The following PPP6C variants were observed in gnomAD, a reference collection of about 807,000 sequenced individuals.
PPP6C encodes serine/threonine-protein phosphatase 6 catalytic subunit.
In PPP6C, 11 loss-of-function variants were observed where a neutral mutation model predicts 39.8. The observed-to-expected ratio is 0.28, with a 90% CI of 0.17 to 0.46. The LOEUF (loss-of-function observed/expected upper bound fraction) is 0.46, where lower values mean the gene tolerates loss of function less well. PPP6C is among the 20% of genes least tolerant of loss of function. The probability of loss-of-function intolerance (pLI) is 1.00; values close to 1 mark genes in which losing one functional copy is unlikely to be tolerated. For missense variants in PPP6C, 211 were observed against 373.9 expected (o/e 0.56, Z 3.59); for synonymous variants, 129 against 130.3 (o/e 0.99, Z 0.07).
rs1184075632 is a variant in PPP6C, at chr9:125,156,740, GCTCGCTCTCT to G, written c.379+1491_379+1500del. ...TTTCCCTGAAGGGGCTTCCTAATAAGCTCGCTCTCTCTCTCTCTCTCTCTCTCTCTCTCTC... is the reference window on the plus strand; with the variant it reads ...TTTCCCTGAAGGGGCTTCCTAATAAGCTCTCTCTCTCTCTCTCTCTCTCTC... On this transcript the variant is annotated intron_variant, in intron 4 of 6. Coordinates refer to ENST00000373547, the MANE Select transcript of PPP6C (RefSeq NM_002721.5). Among the ~76,000 whole-genome samples, 15 of 134,174 alleles carry G rather than the reference GCTCGCTCTCT, an allele frequency of 1.1e-4. 1 individual carries two copies. In the South Asian group the frequency reaches 3.4e-3, roughly 30 times the overall value. The allele number at this position is 134,174 out of a possible 152,430, so 88.0% of individuals were successfully genotyped here. A position where few individuals can be genotyped will look rare whatever the true frequency, so the allele number is the denominator to read the frequency against.
chr9:125,160,203 G>A (rs1217295505), intron 3 of PPP6C, among the ~76,000 whole-genome samples: 1 of 152,188 alleles, frequency 6.6e-6, no homozygotes, highest in African/African-American at 2.4e-5. Flanking sequence ...TGCTCGAAAA[G>A]TCTGAATAAA....
At chr9:125,178,587 C>T (rs1829356088) in intron 1 of PPP6C, among the ~76,000 whole-genome samples, 1 of 152,160 alleles carries the variant, frequency 6.6e-6, no homozygotes, top group South Asian at 2.1e-4. Flanking sequence ...CACTATGATA[C>T]TTCCAGGTAT....
At chr9:125,150,788 T>G (rs1022990375) in intron 6 of PPP6C, 1 of 721,878 alleles carries the variant, frequency 1.4e-6, no homozygotes, top group African/African-American at 1.7e-5. Context: ...TTGGCAAAAG[T>G]GTACGTGGAA....
intron 1 of PPP6C, among the ~76,000 whole-genome samples, chr9:125,184,918 G>C (rs1425223871): frequency 7.3e-6 from 1 of 137,310 alleles, no homozygotes; most frequent in African/African-American, 2.7e-5. Flanking sequence ...AGTGAGCTGA[G>C]ATGGTACCAC....
chr9:125,185,553 G>C (rs909578857), intron 1 of PPP6C, among the ~76,000 whole-genome samples: 13 of 151,352 alleles, frequency 8.6e-5, no homozygotes, highest in African/African-American at 2.9e-4. Context: ...AATTAGCCAG[G>C]AGTGGTGGTG....
chr9:125,171,995 C>T (rs1181064168), intron 1 of PPP6C: 1 of 464,094 alleles, frequency 2.2e-6, no homozygotes, highest in Non-Finnish European at 4.4e-6. Flanking sequence ...TGCATCATAG[C>T]CCAAAACTAA....
chr9:125,185,139 G>A lies in PPP6C; in HGVS notation c.75+4505C>T, dbSNP rs552930386. On this transcript the variant is annotated intron_variant, in intron 1 of 6. Coordinates refer to ENST00000373547, the MANE Select transcript of PPP6C (RefSeq NM_002721.5). ...TTAATTCTTCCATTTAGCCAGGTAT[G>A]GAATCTGTATCTTTTATTAATCTCT... Among the ~76,000 whole-genome samples, 5 of 152,078 alleles carry A rather than the reference G, an allele frequency of 3.3e-5. No homozygotes were observed. In the East Asian group the frequency reaches 9.6e-4, roughly 29 times the overall value.
intron 2 of PPP6C, among the ~76,000 whole-genome samples, chr9:125,170,050 A>G (rs372666257): frequency 6.6e-6 from 1 of 152,134 alleles, no homozygotes; most frequent in African/African-American, 2.4e-5. Flanking sequence ...GGCATCCTTT[A>G]AAGACTACAT....
At chr9:125,170,112 T>C (rs1251920381) in intron 2 of PPP6C, among the ~76,000 whole-genome samples, 1 of 152,164 alleles carries the variant, frequency 6.6e-6, no homozygotes, top group Non-Finnish European at 1.5e-5. Flanking sequence ...TGTATGCATA[T>C]AGCACTCTAT....
At chr9:125,149,976 C>T in intron 6 of PPP6C, 55 bp from the exon 7 acceptor site, 1 of 1,566,222 alleles carries the variant, frequency 6.4e-7, no homozygotes, top group Non-Finnish European at 8.6e-7. Flanking sequence ...AATCGGCCTA[C>T]ATAATCATTT....
At chr9:125,152,586 C>T (rs10819037) in intron 6 of PPP6C, among the ~76,000 whole-genome samples, 67,217 of 151,732 alleles carry the variant, frequency 0.44, 15,234 homozygotes, top group East Asian at 0.53. Context: ...ATCCCAGCAC[C>T]TTGGGAGACC....
At chr9:125,181,313 T>C (rs1475014784) in intron 1 of PPP6C, among the ~76,000 whole-genome samples, 2 of 152,140 alleles carry the variant, frequency 1.3e-5, no homozygotes, top group Non-Finnish European at 2.9e-5. Context: ...TTTTTCTTTC[T>C]TTTTTTGTGT....
At chr9:125,174,089 ACCTT>A (rs1829241458) in intron 1 of PPP6C, among the ~76,000 whole-genome samples, 2 of 152,210 alleles carry the variant, frequency 1.3e-5, no homozygotes, top group South Asian at 4.1e-4. Flanking sequence ...CTCAGGTGGA[ACCTT>A]CCTTCCTACC....
chr9:125,187,636 T>C (rs531353657), intron 1 of PPP6C, among the ~76,000 whole-genome samples: 3 of 152,058 alleles, frequency 2.0e-5, no homozygotes, highest in Non-Finnish European at 2.9e-5. Flanking sequence ...AAAAGCTTTA[T>C]GCATGATAAA....
rs1238787604 is a variant in PPP6C, at chr9:125,159,046, T to TA, written c.238-665_238-664insT. Among the ~76,000 whole-genome samples, 3 of 149,848 alleles carry TA rather than the reference T, an allele frequency of 2.0e-5. No homozygotes were observed. The East Asian group carries it at 5.8e-4, about 29-fold the overall frequency. On this transcript the variant is annotated intron_variant, in intron 3 of 6. Coordinates refer to ENST00000373547, the MANE Select transcript of PPP6C (RefSeq NM_002721.5). ...ACCAGTATTTTTTAAGTTTTTTTTT[T>TA]TTTTTTTTTTAGATGGAGTTTCACT...
At chr9:125,180,077 A>G (rs1350937794) in intron 1 of PPP6C, among the ~76,000 whole-genome samples, 3 of 152,198 alleles carry the variant, frequency 2.0e-5, no homozygotes, top group African/African-American at 7.2e-5. Flanking sequence ...CACCATAATC[A>G]ATTTTAGGAC....
At chr9:125,161,849 G>A (rs1041427435) in intron 2 of PPP6C, among the ~76,000 whole-genome samples, 6 of 152,106 alleles carry the variant, frequency 3.9e-5, no homozygotes, top group Non-Finnish European at 8.8e-5. Flanking sequence ...AAGCATTACA[G>A]TTTTTCTGGA....
intron 1 of PPP6C, among the ~76,000 whole-genome samples, chr9:125,184,608 T>C (rs1408942381): frequency 6.6e-6 from 1 of 150,530 alleles, no homozygotes; most frequent in Non-Finnish European, 1.5e-5. Context: ...CATAAAGCAG[T>C]AAACAGTTTG....
chr9:125,189,720 T>C lies in PPP6C; in HGVS notation c.-2A>G, dbSNP rs201150956. The C allele has an allele frequency of 1.4e-4, 229 of 1,581,054 alleles. 2 individuals are homozygous for C. Among genetic ancestry groups the C allele is most frequent in the Non-Finnish European group, 1.9e-4 (221 of 1,168,510 alleles). ...CTTGTCCAGGTCTAGCGGCGCCATT[T>C]TAAGAATAACAAGCCGCGGCAACAG... On this transcript the variant is annotated 5_prime_UTR_variant, in exon 1 of 7. Coordinates refer to ENST00000373547, the MANE Select transcript of PPP6C (RefSeq NM_002721.5).
Sources: gnomAD v4.1 joint callset for allele counts (sites outside exome capture counted in the v4.1 genomes callset) on GRCh38, gnomAD v4.1.1 for gene constraint, MANE v1.5 for transcripts, NCBI Gene and HGNC (gene_info 2026-07-23, HGNC 2026-07-21) for gene names.